DPP6: variants seen among roughly 807,000 people sequenced by gnomAD.
The protein encoded by DPP6 is dipeptidyl peptidase like 6.
A neutral mutation model predicts 122.6 loss-of-function variants in DPP6; 69 were observed. The ratio of observed to expected loss-of-function variants is 0.56; its 90% CI spans 0.46 to 0.69. The LOEUF is 0.69. Ranked by LOEUF, DPP6 falls within the 30% of genes least tolerant of loss-of-function variation. The pLI is 0.00. For synonymous variants in DPP6, 418 were observed against 433.1 expected (o/e 0.97, Z 0.43); for missense variants, 928 against 1,116.9 (o/e 0.83, Z 2.41).
intron 1 of DPP6, among the ~76,000 whole-genome samples, chr7:153,902,834 C>CA (rs375475586): frequency 1.2e-3 from 178 of 143,294 alleles, no homozygotes; most frequent in Non-Finnish European, 1.9e-3. Flanking sequence ...GAAACCCCGT[C>CA]AAAAAAAAAA....
At chr7:153,759,400 C>A in the DPP6 span, among the ~76,000 whole-genome samples, 4 of 152,114 alleles carry the variant, frequency 2.6e-5, no homozygotes, top group East Asian at 7.8e-4. Flanking sequence ...CCCACTGCAA[C>A]TTCCACCTCC....
At chr7:154,850,843 CT>C in intron 16 of DPP6, among the ~76,000 whole-genome samples, 1 of 152,080 alleles carries the variant, frequency 6.6e-6, no homozygotes, top group African/African-American at 2.4e-5. Flanking sequence ...TTTTCTTAGT[CT>C]GGCTAAATTT....
intron 1 of DPP6, among the ~76,000 whole-genome samples, chr7:154,063,828 C>T (rs1802480368): frequency 6.6e-6 from 1 of 151,464 alleles, no homozygotes; most frequent in East Asian, 2.0e-4. Flanking sequence ...TCAAATCTTC[C>T]GACGGCAAGT....
chr7:154,153,367 A>G (rs1250917588), intron 1 of DPP6, among the ~76,000 whole-genome samples: 1 of 152,134 alleles, frequency 6.6e-6, no homozygotes, highest in Non-Finnish European at 1.5e-5. Context: ...TTGTATTTTT[A>G]GTAGAGACCG....
At chr7:154,768,444 T>C (rs1362096173) in intron 8 of DPP6, among the ~76,000 whole-genome samples, 1 of 152,126 alleles carries the variant, frequency 6.6e-6, no homozygotes, top group Non-Finnish European at 1.5e-5. Context: ...TAATAGCGAG[T>C]TGAATGGGAC....
intron 1 of DPP6, among the ~76,000 whole-genome samples, chr7:154,117,109 C>A (rs1274295857): frequency 6.6e-6 from 1 of 151,812 alleles, no homozygotes; most frequent in Non-Finnish European, 1.5e-5. Flanking sequence ...GAAACTTGAT[C>A]TAGTGCACAT....
At chr7:153,907,774 A>C (rs1365570616) in intron 1 of DPP6, among the ~76,000 whole-genome samples, 1 of 152,164 alleles carries the variant, frequency 6.6e-6, no homozygotes, top group Non-Finnish European at 1.5e-5. Context: ...GTCTGTCCAC[A>C]TTTTGGACTT....
At chr7:154,587,435 C>T in intron 5 of DPP6, 1 of 607,372 alleles carries the variant, frequency 1.6e-6, no homozygotes, top group Non-Finnish European at 2.9e-6. Context: ...TCCTTCCCTC[C>T]TGTGCATCCC....
chr7:153,998,496 T>C (rs774355398), intron 1 of DPP6, among the ~76,000 whole-genome samples: 16 of 152,164 alleles, frequency 1.1e-4, no homozygotes, highest in Admixed American at 2.0e-4. Flanking sequence ...AAGCTCAGAA[T>C]CTTCAGGACA....
chr7:154,263,852 G>A (rs1413770495), intron 1 of DPP6, among the ~76,000 whole-genome samples: 2 of 151,896 alleles, frequency 1.3e-5, no homozygotes, highest in East Asian at 1.9e-4. Context: ...TACCACACAC[G>A]GCTAATTTTT....
chr7:154,215,827 T>C (rs1799966260), intron 1 of DPP6, among the ~76,000 whole-genome samples: 1 of 152,032 alleles, frequency 6.6e-6, no homozygotes, highest in Admixed American at 6.6e-5. Flanking sequence ...GTTCTTTGAT[T>C]TATTAAGTCT....
At chr7:153,939,408 G>A (rs933853419) in intron 1 of DPP6, among the ~76,000 whole-genome samples, 4 of 152,154 alleles carry the variant, frequency 2.6e-5, no homozygotes, top group Admixed American at 1.3e-4. Context: ...ACATGGCCTC[G>A]GGGCTCAGAG....
intron 1 of DPP6, among the ~76,000 whole-genome samples, chr7:154,222,189 C>T (rs1347697068): frequency 6.6e-6 from 1 of 152,122 alleles, no homozygotes; most frequent in Non-Finnish European, 1.5e-5. Flanking sequence ...TAATCTGTTA[C>T]CTTTGACCCC....
chr7:154,665,002 C>G (rs1056580796), intron 6 of DPP6, among the ~76,000 whole-genome samples: 2 of 152,150 alleles, frequency 1.3e-5, no homozygotes, highest in Non-Finnish European at 2.9e-5. Flanking sequence ...CTACCTGTGT[C>G]CCAGGACCCC....
At chr7:154,872,542 C>A in intron 18 of DPP6, 82 bp from the exon 19 acceptor site, 1 of 1,524,728 alleles carries the variant, frequency 6.6e-7, no homozygotes, top group Non-Finnish European at 8.8e-7. Context: ...GCACCCTCAC[C>A]CCCACGGTCA....
chr7:153,815,256 C>T, the DPP6 span, among the ~76,000 whole-genome samples: 1 of 152,168 alleles, frequency 6.6e-6, no homozygotes, highest in Admixed American at 6.5e-5. Flanking sequence ...GCAACTTCAG[C>T]AAAGTCTCAG....
the DPP6 span, among the ~76,000 whole-genome samples, chr7:153,828,397 T>C: frequency 7.2e-5 from 11 of 152,242 alleles, no homozygotes; most frequent in East Asian, 7.7e-4. Flanking sequence ...ACATGTAGCA[T>C]TGGCAGAAGC....
intron 1 of DPP6, among the ~76,000 whole-genome samples, chr7:154,006,704 A>G (rs1797926417): frequency 6.6e-6 from 1 of 152,174 alleles, no homozygotes; most frequent in African/African-American, 2.4e-5. Flanking sequence ...TTGTATTTGC[A>G]TCATAAGGTT....
the DPP6 span, among the ~76,000 whole-genome samples, chr7:153,850,641 T>A: frequency 1.3e-5 from 2 of 152,160 alleles, no homozygotes; most frequent in African/African-American, 4.8e-5. Flanking sequence ...TCCACATGGC[T>A]GGGGAGTCCT....
Sources: allele counts gnomAD v4.1 joint callset (sites outside exome capture counted in the v4.1 genomes callset), GRCh38; gene constraint gnomAD v4.1.1; transcripts MANE v1.5; gene names NCBI Gene and HGNC (gene_info 2026-07-23, HGNC 2026-07-21).